The following ZFYVE28 variants were observed in gnomAD, a reference collection of about 807,000 sequenced individuals.
ZFYVE28 encodes the protein lateral signaling target protein 2 homolog.
Under a neutral mutation model 82.1 loss-of-function variants are expected in ZFYVE28, and 40 were observed. That is an observed-to-expected ratio of 0.49 (90% CI 0.38 to 0.63). ZFYVE28 has a LOEUF of 0.63. Among genes scored for constraint, ZFYVE28 ranks in the 30% least tolerant of loss-of-function variants. The pLI is 0.00. For synonymous variants in ZFYVE28, 612 were observed against 546.1 expected, an observed-to-expected ratio of 1.12 and a Z score of -1.68; for missense variants, 1,321 against 1,242.1, an observed-to-expected ratio of 1.06 and a Z score of -0.96.
intron 1 of ZFYVE28, among the ~76,000 whole-genome samples, chr4:2,414,410 G>A (rs1335642201): frequency 1.3e-5 from 2 of 152,232 alleles, no homozygotes; most frequent in Admixed American, 6.5e-5. Context: ...ATCTGGGCCT[G>A]GAATGTTTAC....
At chr4:2,403,623 C>G (rs1731438781) in intron 1 of ZFYVE28, among the ~76,000 whole-genome samples, 1 of 152,176 alleles carries the variant, frequency 6.6e-6, no homozygotes, top group South Asian at 2.1e-4. Context: ...TCTCAGGCCC[C>G]TCTCAGCACT....
chr4:2,385,083 G>A (rs1403450891), intron 1 of ZFYVE28, among the ~76,000 whole-genome samples: 1 of 152,204 alleles, frequency 6.6e-6, no homozygotes, highest in Non-Finnish European at 1.5e-5. Context: ...ACCTGCCCAG[G>A]ACTGGCGAGA....
intron 1 of ZFYVE28, among the ~76,000 whole-genome samples, chr4:2,407,654 G>A (rs1447200758): frequency 1.3e-5 from 2 of 152,082 alleles, no homozygotes; most frequent in East Asian, 1.9e-4. Flanking sequence ...GTAGTGGCAC[G>A]ATCTCGGCTC....
chr4:2,307,678 G>A (rs1265613685), intron 7 of ZFYVE28, among the ~76,000 whole-genome samples: 1 of 152,086 alleles, frequency 6.6e-6, no homozygotes, highest in African/African-American at 2.4e-5. Flanking sequence ...ATTTTTTTTA[G>A]AGACAGGGTC....
intron 1 of ZFYVE28, among the ~76,000 whole-genome samples, chr4:2,402,997 T>G (rs567353795): frequency 1.3e-5 from 2 of 152,360 alleles, no homozygotes; most frequent in East Asian, 3.9e-4. Context: ...GGAGTCTCCA[T>G]GAGGCTGGCG....
chr4:2,301,636 G>T (rs766626998), intron 8 of ZFYVE28, among the ~76,000 whole-genome samples: 22 of 131,998 alleles, frequency 1.7e-4, no homozygotes, highest in South Asian at 1.3e-3. Context: ...GGGGGTGGGC[G>T]TCCACTGGCT....
At chr4:2,398,483 A>C (rs77432026) in intron 1 of ZFYVE28, among the ~76,000 whole-genome samples, 22,092 of 152,162 alleles carry the variant, frequency 0.15, 1,696 homozygotes, top group African/African-American at 0.18. Context: ...CCTATATGGG[A>C]GTCACAGACT....
At chr4:2,325,593 T>TC (rs1491578926) in intron 6 of ZFYVE28, among the ~76,000 whole-genome samples, 8 of 13,846 alleles carry the variant, frequency 5.8e-4, no homozygotes, top group Non-Finnish European at 1.4e-3. Flanking sequence ...TAAATCTTAC[T>TC]TTTTTTTTTT....
At chr4:2,340,369 A>G (rs1017987853) in intron 3 of ZFYVE28, among the ~76,000 whole-genome samples, 1 of 151,914 alleles carries the variant, frequency 6.6e-6, no homozygotes, top group Non-Finnish European at 1.5e-5. Context: ...GCCCTCTGGC[A>G]CAGGGGCTGA....
chr4:2,394,604 C>A lies in ZFYVE28; in HGVS notation c.39+23681G>T, dbSNP rs1226562450. On this transcript the variant is annotated intron_variant, in intron 1 of 12. Transcript: ENST00000290974. This position sits in a 1 kb window ranked among gnomAD's most constrained non-coding sequence, Gnocchi z 4.0. ...TGCACATAAGGTCCTAAAACATCAA[C>A]GCCTCCTTTCTAACAAGGCACATGC... Among the ~76,000 whole-genome samples, 1 of 152,216 alleles carries A rather than the reference C, an allele frequency of 6.6e-6. No individual in the cohort carries two copies. The highest frequency in any genetic ancestry group is 1.5e-5 in the Non-Finnish European group (1 of 68,030).
Position 2,337,450 on chromosome 4 carries a change from C to G in ZFYVE28, c.568G>C (p.Val190Leu), listed in dbSNP as rs139692789. 6.2e-7 allele frequency: 1 copy of G among 1,610,722 alleles called. No individual in the cohort carries two copies. Among genetic ancestry groups the G allele is most frequent in the Admixed American group, 1.7e-5 (1 of 59,698 alleles). ...AAGAGCACGATGACCTCCTGCTGCA[C>G]GTAGTACTCCCTGGGGGACTTCACA... ...VPVKSPREYY[V>L]QQEVIVLFCE... is the part of the protein sequence containing the mutation. The change falls in exon 5 of 13, where the codon GTG becomes CTG. Residue 190 changes from valine (V) to leucine (L), a missense_variant. Val to Leu is a conservative substitution (Grantham distance 32, BLOSUM62 1). Coordinates refer to ENST00000290974, the MANE Select transcript of ZFYVE28 (RefSeq NM_020972.3).
At chr4:2,346,125 G>A (rs941111187) in intron 2 of ZFYVE28, among the ~76,000 whole-genome samples, 38 of 149,814 alleles carry the variant, frequency 2.5e-4, no homozygotes, top group African/African-American at 7.1e-4. Context: ...TCAGGAGATC[G>A]AGACCATCCT....
intron 8 of ZFYVE28, among the ~76,000 whole-genome samples, chr4:2,276,320 C>T (rs1281772961): frequency 1.3e-5 from 2 of 152,198 alleles, no homozygotes; most frequent in Admixed American, 6.5e-5. Flanking sequence ...CGTGGCTCTC[C>T]CCTCCCAGGT....
rs1327074459 is a variant in ZFYVE28 at position 2,409,678 on chromosome 4, A to G, written c.39+8607T>C. ...CCGGCGCTGTGAGAAGGCTGAGTCC[A>G]GTACACCCACGGTGGGGTGGGGGGG... On this transcript the variant is annotated intron_variant, in intron 1 of 12. Transcript: ENST00000290974. This position sits in a 1 kb window ranked among gnomAD's most constrained non-coding sequence, Gnocchi z 4.4. Among the ~76,000 whole-genome samples the G allele has an allele frequency of 6.6e-6, 1 of 152,256 alleles. No individual in the cohort carries two copies. The highest frequency in any genetic ancestry group is 1.5e-5 in the Non-Finnish European group (1 of 68,046).
chr4:2,415,397 G>T (rs1382230204), intron 1 of ZFYVE28, among the ~76,000 whole-genome samples: 1 of 151,606 alleles, frequency 6.6e-6, no homozygotes, highest in Non-Finnish European at 1.5e-5. Flanking sequence ...CAGGAGGATT[G>T]CTTGAGGCCA....
chr4:2,397,594 C>A (rs549131813), intron 1 of ZFYVE28, among the ~76,000 whole-genome samples: 41 of 152,334 alleles, frequency 2.7e-4, no homozygotes, highest in African/African-American at 9.9e-4. Flanking sequence ...CCGCTCCCCT[C>A]CCCTGGCCCC....
chr4:2,332,206 A>T lies in ZFYVE28; in HGVS notation c.701+3499T>A, dbSNP rs929239881. On this transcript the variant is annotated intron_variant, in intron 6 of 12. Transcript: ENST00000290974. The surrounding 1 kb of genome is among the most constrained non-coding windows in gnomAD (Gnocchi z 4.7). ...GCACCCCTGCCTCCCCTCTGCTCTC[A>T]GTGTTCCCTGGGGGTCACCTGGGGG... 6.6e-6 allele frequency among the ~76,000 whole-genome samples: 1 copy of T among 152,020 alleles called. No homozygotes were observed. The highest frequency in any genetic ancestry group is 2.4e-5 in the African/African-American group (1 of 41,396).
chr4:2,394,846 G>A lies in ZFYVE28; in HGVS notation c.39+23439C>T, dbSNP rs1305768738. 6.6e-6 allele frequency among the ~76,000 whole-genome samples: 1 copy of A among 152,234 alleles called. No individual in the cohort carries two copies. The highest frequency in any genetic ancestry group is 1.5e-5 in the Non-Finnish European group (1 of 68,040). Reference sequence around the variant, plus strand: ...GCAGATGCCAGCACCCAGCACAGTGGGTGGCACAGGGCAGGTGCCTCGCAA... The same window carrying A: ...GCAGATGCCAGCACCCAGCACAGTGAGTGGCACAGGGCAGGTGCCTCGCAA... On this transcript the variant is annotated intron_variant, in intron 1 of 12. Coordinates refer to ENST00000290974, the MANE Select transcript of ZFYVE28 (RefSeq NM_020972.3). The surrounding 1 kb of genome is among the most constrained non-coding windows in gnomAD (Gnocchi z 4.0).
At chr4:2,346,374 A>G (rs1188125944) in intron 2 of ZFYVE28, among the ~76,000 whole-genome samples, 4 of 151,614 alleles carry the variant, frequency 2.6e-5, no homozygotes, top group Non-Finnish European at 5.9e-5. Context: ...AAAGAAAGAA[A>G]TTCTTTCAAG....
Sources: allele counts gnomAD v4.1 joint callset (sites outside exome capture counted in the v4.1 genomes callset), GRCh38; gene constraint gnomAD v4.1.1; non-coding constraint Gnocchi (gnomAD v3.1); transcripts MANE v1.5; gene names NCBI Gene and HGNC (gene_info 2026-07-23, HGNC 2026-07-21).